The following EPS15 variants were observed in gnomAD, a reference collection of about 807,000 sequenced individuals.
The protein encoded by EPS15 is epidermal growth factor receptor pathway substrate 15, also known as epidermal growth factor receptor substrate 15.
In EPS15, 72 loss-of-function variants were observed where a neutral mutation model predicts 113.8. The observed-to-expected ratio is 0.63, with a 90% CI of 0.52 to 0.77. EPS15 has a LOEUF of 0.77. Ranked by LOEUF, EPS15 falls within the 30% of genes least tolerant of loss-of-function variation. The pLI, the probability that EPS15 is intolerant of heterozygous loss-of-function variation, is 0.00. For synonymous variants in EPS15, 344 were observed against 363.4 expected (o/e 0.95, Z 0.61); for missense variants, 1,048 against 1,045.8 (o/e 1.00, Z -0.03).
At position 51,469,651 on chromosome 1, in the gene EPS15, C is replaced by A. The variant is rs140428284; in HGVS notation, c.214-1083G>T. On this transcript the variant is annotated intron_variant, in intron 4 of 24. Transcript: ENST00000371733. ...CGTACTCTCCCCCATACCCTTCATA[C>A]CCAATTCATAACCCATTCTTATCAC... Among the ~76,000 whole-genome samples, 121 of 152,290 alleles carry A rather than the reference C, an allele frequency of 7.9e-4. 1 individual carries two copies. Among genetic ancestry groups the A allele is most frequent in the South Asian group, 5.2e-3 (25 of 4,812 alleles).
rs1649327679 is a variant in EPS15, at chr1:51,408,266, C to G, written c.1342G>C (p.Ala448Pro). 1 of 1,613,766 alleles carries G rather than the reference C, an allele frequency of 6.2e-7. No individual in the cohort carries two copies. The highest frequency in any genetic ancestry group is 1.7e-5 in the Admixed American group (1 of 59,990). The change falls in exon 15 of 25, where the codon GCA becomes CCA. Residue 448 changes from alanine (A) to proline (P), a missense_variant. Ala to Pro is a conservative substitution (Grantham distance 27). Transcript: ENST00000371733. ...CGGCTCAGCTCTTCTCTAGCTTTTG[C>G]CAATTCTTCTTCGTAAGTGGAGATC... is the stretch of plus-strand genomic sequence containing the variant. ...SQISTYEEEL[A>P]KAREELSRLQ...
chr1:51,399,793 C>A (rs1195084983), intron 19 of EPS15, among the ~76,000 whole-genome samples: 1 of 151,720 alleles, frequency 6.6e-6, no homozygotes, highest in African/African-American at 2.4e-5. Context: ...GCATGGGAGG[C>A]GGAGGTTGCA....
chr1:51,387,582 G>C (rs1190806317), intron 21 of EPS15, among the ~76,000 whole-genome samples: 1 of 152,066 alleles, frequency 6.6e-6, no homozygotes, highest in Non-Finnish European at 1.5e-5. Flanking sequence ...CCCATCTCAC[G>C]TGCAGAGACA....
chr1:51,382,865 AG>A (rs1169809881), intron 21 of EPS15, among the ~76,000 whole-genome samples: 2 of 152,256 alleles, frequency 1.3e-5, no homozygotes, highest in Non-Finnish European at 2.9e-5. Flanking sequence ...TTGAAGAGGC[AG>A]GAACAATTCC....
chr1:51,394,570 A>T, intron 20 of EPS15, 123 bp from the exon 21 acceptor site: 1 of 495,634 alleles, frequency 2.0e-6, no homozygotes, highest in Non-Finnish European at 3.6e-6. Flanking sequence ...AGACATTAGG[A>T]ACAAATGTTT....
intron 16 of EPS15, among the ~76,000 whole-genome samples, chr1:51,405,548 A>AAGG (rs1273462964): frequency 6.6e-5 from 10 of 152,082 alleles, no homozygotes; most frequent in Non-Finnish European, 1.3e-4. Flanking sequence ...AATACAAAAA[A>AAGG]TTAGCTGAGT....
chr1:51,365,947 G>T lies in EPS15; in HGVS notation c.2196+6C>A, dbSNP rs761824110. ...TTTTCCCTTCCCATTAATTACTGTA[G>T]ATTACCTTTGACAATGTGCTGAAGT... On this transcript the variant is annotated splice_donor_region_variant and intron_variant, in intron 22 of 24. Transcript: ENST00000371733. 2 of 1,589,606 alleles carry T rather than the reference G, an allele frequency of 1.3e-6. No individual in the cohort carries two copies.
intron 24 of EPS15, among the ~76,000 whole-genome samples, chr1:51,359,975 T>C (rs1319949614): frequency 6.6e-6 from 1 of 151,924 alleles, no homozygotes; most frequent in Non-Finnish European, 1.5e-5. Flanking sequence ...TGATCACAGC[T>C]CACTGCAACC....
intron 1 of EPS15, among the ~76,000 whole-genome samples, chr1:51,508,346 A>AAAGAG (rs1644555589): frequency 7.9e-6 from 1 of 126,070 alleles, no homozygotes; most frequent in African/African-American, 3.0e-5. Flanking sequence ...GAGAGAAAGA[A>AAAGAG]AGAAAGAAAG....
chr1:51,386,599 G>A (rs1030602522), intron 21 of EPS15, among the ~76,000 whole-genome samples: 4 of 152,062 alleles, frequency 2.6e-5, no homozygotes, highest in Non-Finnish European at 5.9e-5. Flanking sequence ...CAAACAGAAA[G>A]GACATCCACA....
intron 2 of EPS15, among the ~76,000 whole-genome samples, chr1:51,479,449 A>C (rs1212484978): frequency 2.0e-5 from 3 of 152,162 alleles, no homozygotes; most frequent in Admixed American, 6.6e-5. Flanking sequence ...TCTGAAGCCT[A>C]GTTCTGTCAG....
intron 17 of EPS15, 100 bp from the exon 18 acceptor site, chr1:51,402,625 T>C (rs1648689382): frequency 6.5e-6 from 4 of 619,292 alleles, no homozygotes; most frequent in Non-Finnish European, 1.1e-5. Context: ...TACACATGCT[T>C]TGAAAAATCA....
At chr1:51,513,825 T>G (rs1644668199) in intron 1 of EPS15, among the ~76,000 whole-genome samples, 1 of 152,216 alleles carries the variant, frequency 6.6e-6, no homozygotes, top group South Asian at 2.1e-4. Flanking sequence ...TTATTATCAT[T>G]CCTCTAATCA....
chr1:51,473,712 A>T lies in EPS15; in HGVS notation c.76-764T>A, dbSNP rs778928620. ...AAAAAGTCATGGGAAAGGTAACAGG[A>T]TAATAGTATATTTGTGAGATATCTG... On this transcript the variant is annotated intron_variant, in intron 2 of 24. Coordinates refer to ENST00000371733, the MANE Select transcript of EPS15 (RefSeq NM_001981.3). Among the ~76,000 whole-genome samples, 17 of 152,320 alleles carry T rather than the reference A, an allele frequency of 1.1e-4. No homozygotes were observed. The Middle Eastern group carries it at 0.01, about 91-fold the overall frequency.
At chr1:51,390,252 G>T (rs1255513372) in intron 21 of EPS15, among the ~76,000 whole-genome samples, 6 of 150,672 alleles carry the variant, frequency 4.0e-5, no homozygotes, top group African/African-American at 9.9e-5. Flanking sequence ...TGGGAAAACT[G>T]GCTAGCCATA....
chr1:51,481,435 A>G, intron 1 of EPS15, 121 bp from the exon 2 acceptor site: 1 of 629,326 alleles, frequency 1.6e-6, no homozygotes, highest in Admixed American at 3.0e-5. Context: ...CCTTGATTTC[A>G]GGGGTTAGAT....
chr1:51,437,386 T>C (rs1362129266), intron 12 of EPS15, among the ~76,000 whole-genome samples: 1 of 151,830 alleles, frequency 6.6e-6, no homozygotes, highest in Non-Finnish European at 1.5e-5. Context: ...TAACTATCAT[T>C]AAGAAAAAAG....
chr1:51,369,226 A>T (rs932281611), intron 21 of EPS15, among the ~76,000 whole-genome samples: 2 of 152,228 alleles, frequency 1.3e-5, no homozygotes, highest in Non-Finnish European at 2.9e-5. Context: ...ATTTAGCACT[A>T]GTCTAAACAC....
At chr1:51,358,999 T>G (rs1029591760) in intron 24 of EPS15, among the ~76,000 whole-genome samples, 5 of 151,932 alleles carry the variant, frequency 3.3e-5, no homozygotes, top group African/African-American at 1.2e-4. Context: ...CCACCCCGTC[T>G]GGCCCCAACA....
Sources: gnomAD v4.1 joint callset for allele counts (sites outside exome capture counted in the v4.1 genomes callset) on GRCh38, gnomAD v4.1.1 for gene constraint, MANE v1.5 for transcripts, NCBI Gene and HGNC (gene_info 2026-07-23, HGNC 2026-07-21) for gene names.